The following IL32 variants were observed in gnomAD, a reference collection of about 807,000 sequenced individuals.
The protein encoded by IL32 is interleukin 32.
IL32 carries 30 observed loss-of-function variants against 16.6 expected under a neutral mutation model. The ratio of observed to expected loss-of-function variants is 1.81; its 90% CI spans 1.35 to 2.45. The LOEUF (loss-of-function observed/expected upper bound fraction) is 2.45, where lower values mean the gene tolerates loss of function less well. IL32 is among the 30% of genes most tolerant of loss of function. The pLI, the probability that IL32 is intolerant of heterozygous loss-of-function variation, is 0.00. For synonymous variants in IL32, 70 were observed against 86.1 expected (o/e 0.81, Z 1.03); for missense variants, 234 against 229.8 (o/e 1.02, Z -0.12).
chr16:3,066,695 C>G (rs1379564300), intron 2 of IL32, among the ~76,000 whole-genome samples: 1 of 152,146 alleles, frequency 6.6e-6, no homozygotes, highest in Non-Finnish European at 1.5e-5. Context: ...GTAGGGTGGA[C>G]CTACCTGGCA....
chr16:3,067,469 T>A, intron 3 of IL32, 54 bp downstream of exon 3: 1 of 1,613,640 alleles, frequency 6.2e-7, no homozygotes, highest in Non-Finnish European at 8.5e-7. Flanking sequence ...TCTCAGCGTG[T>A]GACACTGAGG....
intron 6 of IL32, chr16:3,068,497 G>C: frequency 2.0e-6 from 1 of 504,098 alleles, no homozygotes; most frequent in Non-Finnish European, 3.6e-6. Flanking sequence ...GTTTTTAGTA[G>C]AGACCAGGTT....
Position 3,067,994 on chromosome 16 carries a change from G to T in IL32, c.125G>T (p.Ser42Ile), listed in dbSNP as rs748059973. 1 of 1,614,024 alleles carries T rather than the reference G, an allele frequency of 6.2e-7. No individual in the cohort carries two copies. The change falls in exon 5 of 7, where the codon AGC becomes ATC. Residue 42 changes from serine to isoleucine, a missense_variant. Ser to Ile is a moderately radical substitution (Grantham distance 142, BLOSUM62 -2). This residue lies in a region of IL32 where 137 missense variants were observed against 80.7 expected (regional missense o/e 1.70). Transcript: ENST00000525643. ...AESGRGQVMSSLAELEDDFKE... is the reference protein window; with the variant it reads ...AESGRGQVMSILAELEDDFKE... ...CTTTGTTCCTAACAGGTGATGTCGA[G>T]CCTGGCAGAGCTGGAGGTGAGCCGT...
chr16:3,066,329 T>C (rs765945371), intron 2 of IL32, among the ~76,000 whole-genome samples: 2 of 152,080 alleles, frequency 1.3e-5, no homozygotes, highest in Non-Finnish European at 2.9e-5. Context: ...CTGGCTCAGG[T>C]TCAGGACAGT....
rs1317427759 is a variant in IL32 at position 3,067,271 on chromosome 16, C to CTCTGTGTGTGTGTG, written c.16-105_16-104insCTGTGTGTGTGTGT. 145 of 603,662 alleles carry CTCTGTGTGTGTGTG rather than the reference C, an allele frequency of 2.4e-4. 1 individual carries two copies. In the African/African-American group the frequency reaches 2.4e-3, roughly 10 times the overall value. The allele number at this position is 603,662 out of a possible 1,614,324, so 37.4% of individuals were successfully genotyped here. On this transcript the variant is annotated intron_variant, in intron 2 of 6. Transcript: ENST00000525643. The stretch of plus-strand genomic sequence containing the variant: ...TATCCTGTACCTCTGCCATGTGTCT[C>CTCTGTGTGTGTGTG]TGTGTGTGTGTGTGTGTGTGTGTGT...
At chr16:3,067,533 C>A in intron 3 of IL32, 21 bp from the exon 4 acceptor site, 1 of 1,614,032 alleles carries the variant, frequency 6.2e-7, no homozygotes, top group South Asian at 1.1e-5. Context: ...CCTTTGGTGC[C>A]AACTCTGCCT....
upstream of IL32, chr16:3,065,602 A>C: frequency 6.0e-6 from 4 of 670,298 alleles, no homozygotes; most frequent in East Asian, 5.1e-5. Context: ...ACTACCCCCC[A>C]CTTTCCCCAT....
At chr16:3,067,667 C>G (rs1017679453) in intron 4 of IL32, 54 bp downstream of exon 4, 5 of 1,338,934 alleles carry the variant, frequency 3.7e-6, no homozygotes, top group Non-Finnish European at 5.3e-6. Flanking sequence ...CCCAGGCACT[C>G]CACCCTGTGT....
At chr16:3,067,668 C>A (rs761965943) in intron 4 of IL32, 55 bp downstream of exon 4, 16 of 1,329,784 alleles carry the variant, frequency 1.2e-5, no homozygotes, top group Non-Finnish European at 1.7e-5. Flanking sequence ...CCAGGCACTC[C>A]ACCCTGTGTG....
intron 4 of IL32, 55 bp from the exon 5 acceptor site, chr16:3,067,929 G>T (rs907300818): frequency 2.4e-5 from 38 of 1,601,070 alleles, no homozygotes; most frequent in East Asian, 2.2e-5. Flanking sequence ...AGGACTGACT[G>T]ATGTGGGGTG....
chr16:3,065,521 G>T, upstream of IL32: 3 of 549,818 alleles, frequency 5.5e-6, no homozygotes, highest in South Asian at 6.2e-5. Flanking sequence ...GTCTGTCTCT[G>T]TCTCTGTCTC....
At chr16:3,068,295 T>A in intron 6 of IL32, 56 bp downstream of exon 6, 1 of 1,364,646 alleles carries the variant, frequency 7.3e-7, no homozygotes, top group South Asian at 1.2e-5. Context: ...TGCCCTGTCT[T>A]TTCTTTCTTT....
chr16:3,068,332 G>C (rs968218284), intron 6 of IL32, 93 bp downstream of exon 6: 14 of 1,202,958 alleles, frequency 1.2e-5, no homozygotes, highest in Admixed American at 6.0e-5. Context: ...TTGAGACAGA[G>C]TCTCGCTCTG....
chr16:3,068,455 G>A (rs929802243), intron 6 of IL32: 44 of 564,038 alleles, frequency 7.8e-5, no homozygotes, highest in African/African-American at 2.6e-4. Context: ...ACAGGCACCC[G>A]CCACCACTCC....
rs1339427493 is a variant in IL32, at chr16:3,068,218, T to C, written c.180T>C (p.Ala60=). 3 of 1,599,128 alleles carry C rather than the reference T, an allele frequency of 1.9e-6. No homozygotes were observed. In the African/African-American group the frequency reaches 4.1e-5, roughly 22 times the overall value. Residue 60 remains alanine (A), a synonymous_variant, in exon 6 of 7, where the codon GCT becomes GCC. Coordinates refer to ENST00000525643, the MANE Select transcript of IL32 (RefSeq NM_001376923.1). ...FKEGYLETVA[A]YYEEQHPELT... ...AGGGCTACCTGGAGACAGTGGCGGC[T>C]TATTATGAGGAGCAGCACCCAGTGA... is the stretch of plus-strand genomic sequence containing the variant.
chr16:3,065,480 C>CTCTG (rs1956217536), upstream of IL32: 1 of 455,636 alleles, frequency 2.2e-6, no homozygotes, highest in Non-Finnish European at 4.0e-6. Context: ...GACCCCAGAC[C>CTCTG]TCTGTCTCTC....
At chr16:3,065,581 A>G (rs1956225003), upstream of IL32, 2 of 627,050 alleles carry the variant, frequency 3.2e-6, no homozygotes, top group East Asian at 2.7e-5. Context: ...GCCCTGAGAG[A>G]GGCTCCGCCC....
rs761971946 is a variant in IL32, at chr16:3,068,024, TC to T, written c.141+19del. 3.1e-6 allele frequency: 5 copies of T among 1,613,120 alleles called. No homozygotes were observed. The East Asian group carries it at 6.7e-5, about 22-fold the overall frequency. On this transcript the variant is annotated intron_variant, in intron 5 of 6. Coordinates refer to ENST00000525643, the MANE Select transcript of IL32 (RefSeq NM_001376923.1). Reference sequence around the variant, plus strand: ...GCAGAGCTGGAGGTGAGCCGTGGCCTCCCCCTCCACCAAGCTTAGTCCCTGG... The same window carrying T: ...GCAGAGCTGGAGGTGAGCCGTGGCCTCCCCTCCACCAAGCTTAGTCCCTGG...
chr16:3,065,899 A>G lies in IL32; in HGVS notation c.15+73A>G, dbSNP rs368483493. The G allele has an allele frequency of 7.0e-6, 11 of 1,570,762 alleles. No individual in the cohort carries two copies. The African/African-American group carries it at 1.1e-4, about 15-fold the overall frequency. On this transcript the variant is annotated intron_variant, in intron 2 of 6. Transcript: ENST00000525643. ...CCGTAAGGGTGCGGGTGCCCTCAGT[A>G]TTTCCCGAGGTGCCTGTGTGTCAGG...
Sources: gnomAD v4.1 joint callset for allele counts (sites outside exome capture counted in the v4.1 genomes callset) on GRCh38, gnomAD v4.1.1 for gene constraint, gnomAD v4.1.1 regional missense constraint, MANE v1.5 for transcripts, NCBI Gene and HGNC (gene_info 2026-07-23, HGNC 2026-07-21) for gene names.